The following TDRKH variants were observed in gnomAD, a reference collection of about 807,000 sequenced individuals.
TDRKH encodes the protein tudor and KH domain-containing protein.
TDRKH carries 28 observed loss-of-function variants against 61.3 expected under a neutral mutation model. The observed-to-expected ratio is 0.46, with a 90% CI of 0.34 to 0.63. The LOEUF (loss-of-function observed/expected upper bound fraction) is 0.63. Ranked by LOEUF, TDRKH falls within the 20% of genes least tolerant of loss-of-function variation. The probability of loss-of-function intolerance (pLI) is 0.01; values close to 1 mark genes in which losing one functional copy is unlikely to be tolerated. For synonymous variants in TDRKH, 219 were observed against 244.4 expected (o/e 0.90, Z 0.97); for missense variants, 540 against 683.4 (o/e 0.79, Z 2.34).
At chr1:151,789,668 G>C (rs1391788761) in intron 1 of TDRKH, among the ~76,000 whole-genome samples, 1 of 152,186 alleles carries the variant, frequency 6.6e-6, no homozygotes, top group Admixed American at 6.5e-5. Flanking sequence ...AGTCAAATAG[G>C]ATGTGATGAG....
chr1:151,772,875 G>A (rs1345894434), downstream of TDRKH, among the ~76,000 whole-genome samples: 1 of 152,056 alleles, frequency 6.6e-6, no homozygotes, highest in Non-Finnish European at 1.5e-5. Context: ...ACCTAAATTG[G>A]TTCTGGTTCC....
At chr1:151,766,957 G>C (rs2101552761), downstream of TDRKH, 1 of 1,459,892 alleles carries the variant, frequency 6.8e-7, no homozygotes, top group Admixed American at 2.0e-5. Flanking sequence ...GAATTTGAAA[G>C]AATTTCCCAA....
intron 1 of TDRKH, among the ~76,000 whole-genome samples, chr1:151,788,251 C>T (rs1048151786): frequency 6.6e-6 from 1 of 152,100 alleles, no homozygotes; most frequent in Non-Finnish European, 1.5e-5. Flanking sequence ...ACTTTTCTTC[C>T]GCAAACCTAT....
rs143856852 is a variant in TDRKH, at chr1:151,784,844, T to C, written c.-27-1795A>G. Among the ~76,000 whole-genome samples, 8 of 152,312 alleles carry C rather than the reference T, an allele frequency of 5.3e-5. No individual in the cohort carries two copies. In the East Asian group the frequency reaches 1.3e-3, roughly 26 times the overall value. ...CTCAACTGCCTACATGGATCTCCATTTGATGTCTAATAGACATCTCAAACT... is the reference window on the plus strand; with the variant it reads ...CTCAACTGCCTACATGGATCTCCATCTGATGTCTAATAGACATCTCAAACT... On this transcript the variant is annotated intron_variant, in intron 1 of 12. Coordinates refer to ENST00000368824, the MANE Select transcript of TDRKH (RefSeq NM_001083965.2).
downstream of TDRKH, among the ~76,000 whole-genome samples, chr1:151,768,698 TGGGTGTTTCTCACAGA>T (rs1648463744): frequency 6.6e-6 from 1 of 152,226 alleles, no homozygotes; most frequent in South Asian, 2.1e-4. Context: ...TGATCATTCT[TGGGTGTTTCTCACAGA>T]GGGGGATTTG....
downstream of TDRKH, chr1:151,771,254 C>T: frequency 6.2e-7 from 1 of 1,604,082 alleles, no homozygotes; most frequent in East Asian, 2.2e-5. Flanking sequence ...GGGCTGGAAG[C>T]CTTGACACAT....
downstream of TDRKH, chr1:151,770,238 G>A: frequency 5.6e-6 from 9 of 1,613,816 alleles, no homozygotes; most frequent in Non-Finnish European, 5.9e-6. Flanking sequence ...TGAACTTCCA[G>A]AATGATCGGA....
intron 1 of TDRKH, among the ~76,000 whole-genome samples, chr1:151,785,732 C>T (rs574307353): frequency 6.6e-6 from 1 of 152,180 alleles, no homozygotes; most frequent in African/African-American, 2.4e-5. Context: ...TTCCTTTTAC[C>T]TAAGCTCTTA....
rs1184482946 is a variant in TDRKH, at chr1:151,779,021, A to G, written c.562-15T>C. ...AGTATCAAATGCTGTGGAAAACAAG[A>G]GAAAGGATGATATTCTGACCTGGGA... is the stretch of plus-strand genomic sequence containing the variant. On this transcript the variant is annotated splice_polypyrimidine_tract_variant and intron_variant, in intron 5 of 12. Transcript: ENST00000368824. 6.2e-7 allele frequency: 1 copy of G among 1,612,622 alleles called. No individual in the cohort carries two copies. Among genetic ancestry groups the G allele is most frequent in the South Asian group, 1.1e-5 (1 of 91,014 alleles).
At chr1:151,770,953 C>T (rs1648670676), downstream of TDRKH, 5 of 1,347,172 alleles carry the variant, frequency 3.7e-6, no homozygotes, top group South Asian at 1.9e-5. Flanking sequence ...GACTAAAGCA[C>T]ATCCTATATG....
At chr1:151,772,120 G>A (rs913119206), downstream of TDRKH, 20 of 391,508 alleles carry the variant, frequency 5.1e-5, no homozygotes, top group African/African-American at 3.9e-4. Flanking sequence ...TTTGGAGACA[G>A]CATCTTGCTG....
At chr1:151,767,579 C>A, downstream of TDRKH, 1 of 434,962 alleles carries the variant, frequency 2.3e-6, no homozygotes, top group Non-Finnish European at 3.7e-6. Context: ...CTGTTTATGC[C>A]AAGATCCTGC....
At chr1:151,788,028 G>T (rs1650510419) in intron 1 of TDRKH, among the ~76,000 whole-genome samples, 1 of 151,860 alleles carries the variant, frequency 6.6e-6, no homozygotes, top group Non-Finnish European at 1.5e-5. Flanking sequence ...ATGTGTGTAG[G>T]TTATATACAA....
chr1:151,770,273 T>G, downstream of TDRKH: 1 of 1,610,640 alleles, frequency 6.2e-7, no homozygotes, highest in Non-Finnish European at 8.5e-7. Flanking sequence ...GATCTGCTGT[T>G]CTTCCTTGCT....
Position 151,776,076 on chromosome 1 carries a change from G to C in TDRKH, c.1217+20C>G, listed in dbSNP as rs747443793. On this transcript the variant is annotated intron_variant, in intron 8 of 12. Coordinates refer to ENST00000368824, the MANE Select transcript of TDRKH (RefSeq NM_001083965.2). The stretch of plus-strand genomic sequence containing the variant: ...CAGAACTGAGTCAGCAGTTGGGATT[G>C]AGCTGACCTCAGCACTGACCTGAGA... 9 of 1,604,598 alleles carry C rather than the reference G, an allele frequency of 5.6e-6. No individual in the cohort carries two copies. The South Asian group carries it at 1.0e-4, about 18-fold the overall frequency.
Position 151,773,868 on chromosome 1 carries a change from G to A in TDRKH, c.*584C>T, listed in dbSNP as rs1046085569. On this transcript the variant is annotated 3_prime_UTR_variant, in exon 13 of 13. Coordinates refer to ENST00000368824, the MANE Select transcript of TDRKH (RefSeq NM_001083965.2). ...TTCCTTAACCAGAGTCACCTGATAA[G>A]GTGAGTCAGAAGTCTGCAGAATCAC... is the stretch of plus-strand genomic sequence containing the variant. 2 of 152,204 alleles carry A rather than the reference G, an allele frequency of 1.3e-5. No homozygotes were observed. Among genetic ancestry groups the A allele is most frequent in the Non-Finnish European group, 2.9e-5 (2 of 68,054 alleles). 9.4% of individuals were successfully genotyped at this position (152,204 alleles called of 1,614,324 possible). A position where few individuals can be genotyped will look rare whatever the true frequency, so the allele number is the denominator to read the frequency against.
downstream of TDRKH, chr1:151,771,603 G>A (rs114262920): frequency 3.8e-3 from 1,280 of 336,664 alleles, 20 homozygotes; most frequent in African/African-American, 0.025. Flanking sequence ...CAGTTGAGGT[G>A]CTATAGATGT....
downstream of TDRKH, chr1:151,770,434 A>G (rs534032047): frequency 1.1e-6 from 1 of 901,470 alleles, no homozygotes; most frequent in South Asian, 1.7e-5. Flanking sequence ...TCAAGTTACA[A>G]CTGGACTCTG....
At chr1:151,779,054 A>C in intron 5 of TDRKH, 48 bp from the exon 6 acceptor site, 1 of 1,612,380 alleles carries the variant, frequency 6.2e-7, no homozygotes, top group Non-Finnish European at 8.5e-7. Context: ...GGATAGAGTA[A>C]AAGGATCTTC....
Sources: allele counts gnomAD v4.1 joint callset (sites outside exome capture counted in the v4.1 genomes callset), GRCh38; gene constraint gnomAD v4.1.1; transcripts MANE v1.5; gene names NCBI Gene and HGNC (gene_info 2026-07-23, HGNC 2026-07-21).